DGKG: variants seen among roughly 807,000 people sequenced by gnomAD.
DGKG encodes the protein diacylglycerol kinase gamma.
DGKG carries 78 observed loss-of-function variants against 105.3 expected under a neutral mutation model. The ratio of observed to expected loss-of-function variants is 0.74; its 90% CI spans 0.62 to 0.89. The LOEUF is 0.89. DGKG is among the 40% of genes least tolerant of loss of function. The pLI is 0.00. For missense variants in DGKG, 958 were observed against 1,020.1 expected (o/e 0.94, Z 0.83); for synonymous variants, 346 against 367.1 (o/e 0.94, Z 0.66).
chr3:186,302,149 G>A (rs1372829561), intron 3 of DGKG, among the ~76,000 whole-genome samples: 5 of 152,060 alleles, frequency 3.3e-5, no homozygotes, highest in Non-Finnish European at 7.4e-5. Context: ...CATATGTGCT[G>A]CTCTGCATTG....
At chr3:186,358,744 G>A (rs1727096601) in intron 1 of DGKG, among the ~76,000 whole-genome samples, 1 of 151,408 alleles carries the variant, frequency 6.6e-6, no homozygotes, top group African/African-American at 2.4e-5. Flanking sequence ...TCTGATACTT[G>A]GTACAAATAA....
intron 24 of DGKG, chr3:186,160,679 C>T (rs1294981066): frequency 2.0e-6 from 2 of 985,332 alleles, no homozygotes; most frequent in East Asian, 2.3e-4. Context: ...AGTGAGGAAG[C>T]TTAGAAACTC....
chr3:186,244,883 C>G (rs1720865040), intron 19 of DGKG, among the ~76,000 whole-genome samples: 1 of 152,192 alleles, frequency 6.6e-6, no homozygotes, highest in South Asian at 2.1e-4. Flanking sequence ...CCACCTCCCA[C>G]TCTCTGAGCA....
chr3:186,246,819 G>C (rs192398414), intron 19 of DGKG, among the ~76,000 whole-genome samples: 65 of 152,294 alleles, frequency 4.3e-4, no homozygotes, highest in African/African-American at 1.5e-3. Context: ...GGTGGAAAAC[G>C]GTGCGTGGGT....
At chr3:186,152,368 G>A (rs1482009541) in intron 24 of DGKG, among the ~76,000 whole-genome samples, 2 of 151,932 alleles carry the variant, frequency 1.3e-5, no homozygotes, top group African/African-American at 2.4e-5. Flanking sequence ...CTGGAGACTC[G>A]GACAGCACTT....
At chr3:186,258,037 G>A in intron 16 of DGKG, 98 bp from the exon 17 acceptor site, 1 of 873,408 alleles carries the variant, frequency 1.1e-6, no homozygotes, top group Non-Finnish European at 1.9e-6. Context: ...CCAGGAGTAT[G>A]TTAAGACCTC....
At chr3:186,348,578 A>G (rs1726474865) in intron 1 of DGKG, among the ~76,000 whole-genome samples, 1 of 151,250 alleles carries the variant, frequency 6.6e-6, no homozygotes, top group Admixed American at 6.6e-5. Flanking sequence ...CAGCCTCCCA[A>G]GTAGCTGGGA....
chr3:186,216,093 G>A (rs1254731615), intron 20 of DGKG, among the ~76,000 whole-genome samples: 3 of 151,812 alleles, frequency 2.0e-5, no homozygotes, highest in Non-Finnish European at 2.9e-5. Flanking sequence ...CCGCCTCCCC[G>A]GTTCAAGCGA....
intron 19 of DGKG, among the ~76,000 whole-genome samples, chr3:186,245,607 C>T (rs902459757): frequency 6.6e-6 from 1 of 152,196 alleles, no homozygotes; most frequent in Non-Finnish European, 1.5e-5. Context: ...ATTACAAATC[C>T]ATGGAAGTGA....
intron 1 of DGKG, among the ~76,000 whole-genome samples, chr3:186,336,913 C>G (rs1203657924): frequency 6.6e-6 from 1 of 152,040 alleles, no homozygotes; most frequent in Non-Finnish European, 1.5e-5. Flanking sequence ...GAAAATTCTG[C>G]AAAAGTATAA....
chr3:186,291,357 C>T (rs1012978879), intron 5 of DGKG, among the ~76,000 whole-genome samples: 2 of 151,488 alleles, frequency 1.3e-5, no homozygotes, highest in Non-Finnish European at 2.9e-5. Flanking sequence ...CAAATTGAGG[C>T]TCATAATATG....
chr3:186,161,867 A>G (rs1716306465), intron 23 of DGKG, among the ~76,000 whole-genome samples: 1 of 151,556 alleles, frequency 6.6e-6, no homozygotes, highest in Admixed American at 6.6e-5. Context: ...GGCCAGGCCC[A>G]GTGGTCTGTG....
intron 1 of DGKG, among the ~76,000 whole-genome samples, chr3:186,353,117 C>T (rs543850748): frequency 5.3e-5 from 8 of 152,258 alleles, no homozygotes; most frequent in South Asian, 2.1e-4. Context: ...CTTAACTTCA[C>T]GCATCCTTTA....
At chr3:186,194,034 T>G (rs6762646) in intron 21 of DGKG, among the ~76,000 whole-genome samples, 115,631 of 152,236 alleles carry the variant, frequency 0.76, 44,533 homozygotes, top group East Asian at 0.94. Context: ...CCGATGTCGG[T>G]CTTGGAAGCA....
In DGKG at chr3:186,148,334, A is replaced by C. The variant is rs1715592780; in HGVS notation, c.*1756T>G. On this transcript the variant is annotated 3_prime_UTR_variant, in exon 25 of 25. Coordinates refer to ENST00000265022, the MANE Select transcript of DGKG (RefSeq NM_001346.3). ...CAGCCAAGGTTGTTTCCAAACTAAG[A>C]GACTATGATGACCATGATGAGGTGA... 2.0e-5 allele frequency: 20 copies of C among 985,436 alleles called. No homozygotes were observed. Among genetic ancestry groups the C allele is most frequent in the Non-Finnish European group, 2.3e-5 (19 of 829,938 alleles). The allele number at this position is 985,436 out of a possible 1,614,324, so 61.0% of individuals were successfully genotyped here. A position where few individuals can be genotyped will look rare whatever the true frequency, so the allele number is the denominator to read the frequency against.
chr3:186,162,559 G>C (rs145223426), intron 23 of DGKG, among the ~76,000 whole-genome samples: 1 of 152,208 alleles, frequency 6.6e-6, no homozygotes, highest in East Asian at 1.9e-4. Context: ...TTTTGTTTTT[G>C]AGACAGAGTC....
intron 1 of DGKG, among the ~76,000 whole-genome samples, chr3:186,332,988 C>A (rs550175784): frequency 6.6e-6 from 1 of 152,270 alleles, no homozygotes; most frequent in Non-Finnish European, 1.5e-5. Context: ...GTAGAATCAC[C>A]ACCAGTAAGA....
intron 2 of DGKG, among the ~76,000 whole-genome samples, chr3:186,313,314 A>G (rs1724649792): frequency 1.3e-5 from 2 of 152,232 alleles, no homozygotes; most frequent in Admixed American, 6.5e-5. Context: ...GATGTTACAT[A>G]TGAAATAATA....
At chr3:186,344,329 T>C (rs1352500471) in intron 1 of DGKG, among the ~76,000 whole-genome samples, 1 of 152,216 alleles carries the variant, frequency 6.6e-6, no homozygotes, top group Non-Finnish European at 1.5e-5. Context: ...AGACATGGAA[T>C]GAGCATAAAT....
Sources: allele counts gnomAD v4.1 joint callset (sites outside exome capture counted in the v4.1 genomes callset), GRCh38; gene constraint gnomAD v4.1.1; transcripts MANE v1.5; gene names NCBI Gene and HGNC (gene_info 2026-07-23, HGNC 2026-07-21).